BBS4: variants seen among roughly 807,000 people sequenced by gnomAD.
BBS4 encodes BBSome complex member BBS4.
A neutral mutation model predicts 71.4 loss-of-function variants in BBS4; 58 were observed. The ratio of observed to expected loss-of-function variants is 0.81; its 90% CI spans 0.66 to 1.01. BBS4 has a LOEUF of 1.01. Ranked by LOEUF, BBS4 falls within the 50% of genes least tolerant of loss-of-function variation. BBS4 has a pLI of 0.00. For synonymous variants in BBS4, 228 were observed against 216.8 expected (o/e 1.05, Z -0.46); for missense variants, 660 against 607.9 (o/e 1.09, Z -0.90).
Position 72,731,380 on chromosome 15 carries a change from G to T in BBS4, c.787G>T (p.Ala263Ser). ...DVALTKYRVV[A>S]CAVPESPPLW... ...TGCCCTCACCAAATACAGAGTTGTG[G>T]CTTGTGCTGTTCCAGAAAGTCCTCC... is the stretch of plus-strand genomic sequence containing the variant. Residue 263 changes from alanine to serine, a missense_variant, in exon 11 of 16, where the codon GCT becomes TCT. Transcript: ENST00000268057. 1 of 1,614,156 alleles carries T rather than the reference G, an allele frequency of 6.2e-7. No individual in the cohort carries two copies. The highest frequency in any genetic ancestry group is 1.1e-5 in the South Asian group (1 of 91,072).
intron 2 of BBS4, among the ~76,000 whole-genome samples, chr15:72,699,603 C>T (rs1449877938): frequency 6.6e-6 from 1 of 152,064 alleles, no homozygotes; most frequent in African/African-American, 2.4e-5. Flanking sequence ...AGAAAGTTTC[C>T]TCATGCCTTT....
chr15:72,712,224 C>T lies in BBS4; in HGVS notation c.157-20C>T, dbSNP rs2151019478. ...AAGAAACTTAACCACTGCTCAGAAG[C>T]ATTTTTCTCCCTCTTTCAGGCTGTT... On this transcript the variant is annotated intron_variant, in intron 3 of 15. Coordinates refer to ENST00000268057, the MANE Select transcript of BBS4 (RefSeq NM_033028.5). 6.2e-7 allele frequency: 1 copy of T among 1,612,056 alleles called. No homozygotes were observed. The highest frequency in any genetic ancestry group is 8.5e-7 in the Non-Finnish European group (1 of 1,178,504).
intron 2 of BBS4, among the ~76,000 whole-genome samples, chr15:72,702,825 T>TTTTTTTTTTTTTTTTTTTTG (rs1555498374): frequency 8.3e-6 from 1 of 120,946 alleles, no homozygotes; most frequent in African/African-American, 3.4e-5. Flanking sequence ...TTTTTTTTTT[T>TTTTTTTTTTTTTTTTTTTTG]GAGACGGAGT....
intron 2 of BBS4, among the ~76,000 whole-genome samples, chr15:72,699,471 T>C (rs1389691472): frequency 1.3e-5 from 2 of 152,224 alleles, no homozygotes; most frequent in East Asian, 3.8e-4. Flanking sequence ...TTATTTTTAA[T>C]TTCAATGCTA....
In BBS4 at chr15:72,726,327, G is replaced by A. The variant is rs143700437; in HGVS notation, c.588-1613G>A. Among the ~76,000 whole-genome samples the A allele has an allele frequency of 5.0e-3, 757 of 152,148 alleles. 9 individuals carry two copies. Among genetic ancestry groups the A allele is most frequent in the African/African-American group, 0.018 (735 of 41,532 alleles). ...GGGTTTCACCATGTTGGTCAGGCTG[G>A]TCTCGAATTCCTGGCCTCAAGTGAT... On this transcript the variant is annotated intron_variant, in intron 8 of 15. Transcript: ENST00000268057.
chr15:72,731,408 T>C lies in BBS4; in HGVS notation c.815T>C (p.Leu272Pro), dbSNP rs758992523. 2 of 1,614,116 alleles carry C rather than the reference T, an allele frequency of 1.2e-6. No individual in the cohort carries two copies. The highest frequency in any genetic ancestry group is 1.7e-6 in the Non-Finnish European group (2 of 1,180,016). ...VACAVPESPP[L>P]WNNIGMCFFG... ...TGTGCTGTTCCAGAAAGTCCTCCAC[T>C]CTGGAATAACATTGGAATGTGTTTC... Residue 272 changes from leucine to proline, a missense_variant, in exon 11 of 16, where the codon CTC becomes CCC. Transcript: ENST00000268057.
Position 72,722,824 on chromosome 15 carries a change from A to C in BBS4, c.436A>C (p.Ile146Leu), listed in dbSNP as rs751997837. 2 of 1,613,852 alleles carry C rather than the reference A, an allele frequency of 1.2e-6. No homozygotes were observed. Residue 146 changes from isoleucine to leucine, a missense_variant, in exon 7 of 16, where the codon ATA becomes CTA. Transcript: ENST00000268057. Reference sequence around the variant, plus strand: ...CAGCCATAACCTAGGAGTTTGCTACATATACCTGAAGCAGTTCAACAAGGT... The same window carrying C: ...CAGCCATAACCTAGGAGTTTGCTACCTATACCTGAAGCAGTTCAACAAGGT... ...EISHNLGVCY[I>L]YLKQFNKAQD...
At chr15:72,732,313 T>C (rs1401469176) in intron 12 of BBS4, among the ~76,000 whole-genome samples, 1 of 152,218 alleles carries the variant, frequency 6.6e-6, no homozygotes, top group Non-Finnish European at 1.5e-5. Flanking sequence ...GCATGTTATA[T>C]AGAATGCCAT....
In BBS4 at chr15:72,688,411, CTTTT is replaced by C. The variant is rs58644289; in HGVS notation, c.24+2177_24+2180del. 9.7e-3 allele frequency among the ~76,000 whole-genome samples: 807 copies of C among 83,044 alleles called. 18 individuals carry two copies. The highest frequency in any genetic ancestry group is 0.034 in the African/African-American group (775 of 22,590). The allele number at this position is 83,044 out of a possible 152,430, so 54.5% of individuals were successfully genotyped here. A position where few individuals can be genotyped will look rare whatever the true frequency, so the allele number is the denominator to read the frequency against. Reference sequence around the variant, plus strand: ...GTCCTTTTAGGAAGTGGTATTTTATCTTTTTTTTTTTTTTTTTTTTGAGACGGAG... The same window carrying C: ...GTCCTTTTAGGAAGTGGTATTTTATCTTTTTTTTTTTTTTTTGAGACGGAG... On this transcript the variant is annotated intron_variant, in intron 1 of 15. Transcript: ENST00000268057.
At chr15:72,728,498 A>G (rs11072385) in intron 9 of BBS4, among the ~76,000 whole-genome samples, 81,068 of 150,756 alleles carry the variant, frequency 0.54, 23,232 homozygotes, top group Middle Eastern at 0.68. Context: ...ATCCTGTCTC[A>G]GAAAAAAAAA....
At chr15:72,736,302 C>T (rs976599361) in intron 14 of BBS4, among the ~76,000 whole-genome samples, 8 of 139,860 alleles carry the variant, frequency 5.7e-5, no homozygotes, top group Admixed American at 7.9e-5. Context: ...AGTGCAATGG[C>T]GCAATCTCAG....
chr15:72,701,131 C>T (rs1289544590), intron 2 of BBS4, among the ~76,000 whole-genome samples: 1 of 152,176 alleles, frequency 6.6e-6, no homozygotes. Context: ...TCATTAACCA[C>T]CCCTCCCAAA....
intron 1 of BBS4, among the ~76,000 whole-genome samples, chr15:72,690,385 C>T (rs1010135009): frequency 6.6e-6 from 1 of 152,022 alleles, no homozygotes; most frequent in Non-Finnish European, 1.5e-5. Context: ...CTAATAGAAT[C>T]CTTTCCATCT....
rs546511383 is a variant in BBS4 at position 72,719,035 on chromosome 15, G to C, written c.405+2185G>C. On this transcript the variant is annotated intron_variant, in intron 6 of 15. Transcript: ENST00000268057. The stretch of plus-strand genomic sequence containing the variant: ...TGACATTACCCTGCAATGAGCTGAG[G>C]ATGGGACCCTGGAAAAAAAGAGTTT... 2.0e-5 allele frequency among the ~76,000 whole-genome samples: 3 copies of C among 152,260 alleles called. No homozygotes were observed. The East Asian group carries it at 5.8e-4, about 29-fold the overall frequency.
intron 10 of BBS4, 34 bp downstream of exon 10, chr15:72,729,718 T>C (rs771557469): frequency 7.0e-6 from 11 of 1,574,816 alleles, no homozygotes; most frequent in Middle Eastern, 1.7e-4. Context: ...GGCCTTCATA[T>C]AGACGGTCCC....
In BBS4 at chr15:72,686,213, G is replaced by A; in HGVS notation, c.-15G>A. 1 of 1,559,410 alleles carries A rather than the reference G, an allele frequency of 6.4e-7. No individual in the cohort carries two copies. Among genetic ancestry groups the A allele is most frequent in the South Asian group, 1.2e-5 (1 of 84,598 alleles). ...ACCGCCGACTTCCGGCCGCGCAGCG[G>A]TGGGCTGAGCTAAAATGGCTGAGGA... On this transcript the variant is annotated 5_prime_UTR_variant, in exon 1 of 16. In the 5' UTR this introduces an upstream ATG that the reference lacks. Transcript: ENST00000268057.
chr15:72,709,555 C>G, intron 2 of BBS4, 145 bp from the exon 3 acceptor site: 1 of 665,414 alleles, frequency 1.5e-6, no homozygotes, highest in Admixed American at 2.4e-5. Flanking sequence ...ATTTTTGATG[C>G]ACTATAATAT....
At chr15:72,711,006 TTG>T (rs1322592042) in intron 3 of BBS4, among the ~76,000 whole-genome samples, 3 of 151,384 alleles carry the variant, frequency 2.0e-5, no homozygotes, top group African/African-American at 7.3e-5. Flanking sequence ...TTTCACCATG[TTG>T]GTCAGGCTGG....
chr15:72,696,435 C>G (rs887224736), intron 2 of BBS4, among the ~76,000 whole-genome samples: 9 of 152,026 alleles, frequency 5.9e-5, no homozygotes, highest in African/African-American at 2.2e-4. Flanking sequence ...GCCATGTAAC[C>G]ACTAGTAGCA....
Sources: gnomAD v4.1 joint callset for allele counts (sites outside exome capture counted in the v4.1 genomes callset) on GRCh38, gnomAD v4.1.1 for gene constraint, MANE v1.5 for transcripts, NCBI Gene and HGNC (gene_info 2026-07-23, HGNC 2026-07-21) for gene names.